FAF1: variants seen among roughly 807,000 people sequenced by gnomAD.
FAF1 encodes the protein Fas associated factor 1.
Under a neutral mutation model 92.5 loss-of-function variants are expected in FAF1, and 25 were observed. That is an observed-to-expected ratio of 0.27 (90% confidence interval 0.20 to 0.38). FAF1 has a LOEUF of 0.38. Ranked by LOEUF, FAF1 falls within the 10% of genes least tolerant of loss-of-function variation. The pLI is 1.00. For missense variants in FAF1, 636 were observed against 793.3 expected (o/e 0.80, Z 2.38); for synonymous variants, 234 against 273.2 (o/e 0.86, Z 1.42).
intron 2 of FAF1, among the ~76,000 whole-genome samples, chr1:50,819,764 CGT>C (rs1491493606): frequency 0.014 from 228 of 16,688 alleles, 19 homozygotes; most frequent in African/African-American, 0.042. Context: ...TATATATATA[CGT>C]ATATATATAT....
chr1:50,497,636 C>A (rs184187952), intron 15 of FAF1, among the ~76,000 whole-genome samples: 39 of 146,596 alleles, frequency 2.7e-4, no homozygotes, highest in Non-Finnish European at 7.5e-5. Flanking sequence ...GCAACCTCCA[C>A]CCCCCCAGGT....
intron 2 of FAF1, among the ~76,000 whole-genome samples, chr1:50,812,466 C>G (rs751347796): frequency 6.6e-6 from 1 of 152,026 alleles, no homozygotes; most frequent in Non-Finnish European, 1.5e-5. Flanking sequence ...AGAAAGCATA[C>G]GAAAAAATGC....
chr1:50,479,661 G>A (rs2149001522), intron 17 of FAF1, among the ~76,000 whole-genome samples: 1 of 152,222 alleles, frequency 6.6e-6, no homozygotes, highest in East Asian at 1.9e-4. Context: ...TATAACAGAT[G>A]CTACATTATT....
At chr1:50,666,167 G>T (rs1040092515) in intron 7 of FAF1, among the ~76,000 whole-genome samples, 7 of 151,704 alleles carry the variant, frequency 4.6e-5, no homozygotes, top group Non-Finnish European at 8.8e-5. Flanking sequence ...GCCCGCCTTG[G>T]CCTCCCAAAT....
Position 50,535,407 on chromosome 1 carries a change from T to A in FAF1, c.1456A>T (p.Ile486Phe). The change falls in exon 15 of 19, where the codon ATC becomes TTC. Residue 486 changes from isoleucine to phenylalanine, a missense_variant. Coordinates refer to ENST00000396153, the MANE Select transcript of FAF1 (RefSeq NM_007051.3). Reference protein sequence around the residue: ...LMMRLMAAMEIFTAQQQEDIK... With the variant: ...LMMRLMAAMEFFTAQQQEDIK... ...TCTTCCTGTTGTTGGGCTGTGAAGA[T>A]CTCCATTGCAGCCATGAGTCTCATC... 1 of 1,612,704 alleles carries A rather than the reference T, an allele frequency of 6.2e-7. No homozygotes were observed. Among genetic ancestry groups the A allele is most frequent in the Non-Finnish European group, 8.5e-7 (1 of 1,179,108 alleles).
At position 50,438,020 on chromosome 1, in the gene FAF1, C is replaced by T. The variant is rs545785921; in HGVS notation, c.*3420G>A. The stretch of plus-strand genomic sequence containing the variant: ...CCTGAGCGACAGAGCGAGACTCTGT[C>T]TCAAAAAAAAAAAAAAAAAAAAAAA... On this transcript the variant is annotated 3_prime_UTR_variant, in exon 19 of 19. Coordinates refer to ENST00000396153, the MANE Select transcript of FAF1 (RefSeq NM_007051.3). 2.1e-4 allele frequency: 10 copies of T among 47,748 alleles called. No homozygotes were observed. In the East Asian group the frequency reaches 3.4e-3, roughly 16 times the overall value. 3.0% of individuals were successfully genotyped at this position (47,748 alleles called of 1,614,324 possible).
chr1:50,526,304 A>G (rs1438541940), intron 15 of FAF1, among the ~76,000 whole-genome samples: 1 of 151,742 alleles, frequency 6.6e-6, no homozygotes, highest in Non-Finnish European at 1.5e-5. Flanking sequence ...AAAATTATTT[A>G]TTATTTCTAG....
intron 1 of FAF1, among the ~76,000 whole-genome samples, chr1:50,865,888 T>G (rs953097538): frequency 1.4e-5 from 2 of 146,412 alleles, no homozygotes. Context: ...TCACAGACCA[T>G]TACCGAGATT....
rs1558000811 is a variant in FAF1 at position 50,574,896 on chromosome 1, C to CTGTTTT, written c.1114-7666_1114-7665insAAAACA. On this transcript the variant is annotated intron_variant, in intron 12 of 18. Transcript: ENST00000396153. Reference sequence around the variant, plus strand: ...GTTTAAGCATATAGAGTTGTATTAACTCTTTTTTTTTTTTTTTTTTTTTTT... The same window carrying CTGTTTT: ...GTTTAAGCATATAGAGTTGTATTAACTGTTTTTCTTTTTTTTTTTTTTTTTTTTTTT... 6.6e-4 allele frequency among the ~76,000 whole-genome samples: 81 copies of CTGTTTT among 122,898 alleles called. 7 individuals carry two copies. Among genetic ancestry groups the CTGTTTT allele is most frequent in the African/African-American group, 2.5e-3 (77 of 30,788 alleles). The allele number at this position is 122,898 out of a possible 152,430, so 80.6% of individuals were successfully genotyped here.
chr1:50,467,595 G>A (rs1646514373), intron 18 of FAF1, among the ~76,000 whole-genome samples: 1 of 152,102 alleles, frequency 6.6e-6, no homozygotes, highest in Non-Finnish European at 1.5e-5. Context: ...TTACAGACAT[G>A]AGCCACCATG....
chr1:50,474,249 A>G (rs375266019), intron 18 of FAF1, among the ~76,000 whole-genome samples: 1 of 152,178 alleles, frequency 6.6e-6, no homozygotes, highest in East Asian at 1.9e-4. Flanking sequence ...GACAACAATC[A>G]CATCTCTCAT....
intron 1 of FAF1, among the ~76,000 whole-genome samples, chr1:50,934,173 G>T (rs1645069128): frequency 6.6e-6 from 1 of 152,140 alleles, no homozygotes; most frequent in African/African-American, 2.4e-5. Context: ...TTTACCTTGA[G>T]TTAATATTAC....
intron 2 of FAF1, among the ~76,000 whole-genome samples, chr1:50,838,258 A>G (rs1387368737): frequency 6.6e-6 from 1 of 152,012 alleles, no homozygotes; most frequent in African/African-American, 2.4e-5. Context: ...TGAAGAATCT[A>G]TACTTGAGGA....
At chr1:50,759,233 C>T (rs1218196401) in intron 4 of FAF1, among the ~76,000 whole-genome samples, 1 of 151,566 alleles carries the variant, frequency 6.6e-6, no homozygotes. Flanking sequence ...ATGTGCCATG[C>T]TGGTGTGCTG....
At chr1:50,599,825 T>C (rs1037565511) in intron 8 of FAF1, among the ~76,000 whole-genome samples, 5 of 152,194 alleles carry the variant, frequency 3.3e-5, no homozygotes, top group Non-Finnish European at 2.9e-5. Context: ...ATTTGGTATT[T>C]AGACAAGTAT....
At chr1:50,902,588 A>C (rs149486938) in intron 1 of FAF1, among the ~76,000 whole-genome samples, 225 of 152,262 alleles carry the variant, frequency 1.5e-3, no homozygotes, top group African/African-American at 5.2e-3. Flanking sequence ...CACACAAACT[A>C]TATGCAGTTG....
chr1:50,779,609 G>A (rs1661088287), intron 4 of FAF1, among the ~76,000 whole-genome samples: 1 of 151,306 alleles, frequency 6.6e-6, no homozygotes, highest in Non-Finnish European at 1.5e-5. Flanking sequence ...TATAAAATAT[G>A]TAAATGAATA....
intron 8 of FAF1, among the ~76,000 whole-genome samples, chr1:50,638,053 GT>G (rs1244501477): frequency 6.6e-6 from 1 of 151,986 alleles, no homozygotes; most frequent in Non-Finnish European, 1.5e-5. Context: ...AATATTTCAT[GT>G]TTTTGGATAG....
rs998252632 is a variant in FAF1 at position 50,583,802 on chromosome 1, A to G, written c.968-87T>C. 3.0e-6 allele frequency: 2 copies of G among 674,416 alleles called. No homozygotes were observed. Among genetic ancestry groups the G allele is most frequent in the East Asian group, 5.5e-5 (2 of 36,110 alleles). 41.8% of individuals were successfully genotyped at this position (674,416 alleles called of 1,614,324 possible). A position where few individuals can be genotyped will look rare whatever the true frequency, so the allele number is the denominator to read the frequency against. Reference sequence around the variant, plus strand: ...AACCACATAACATCTAATCCCACATATAAGAAATATATTCAATCAATAAAG... The same window carrying G: ...AACCACATAACATCTAATCCCACATGTAAGAAATATATTCAATCAATAAAG... On this transcript the variant is annotated intron_variant, in intron 10 of 18. Transcript: ENST00000396153. This position sits in a 1 kb window ranked among gnomAD's most constrained non-coding sequence, Gnocchi z 4.2.
Sources: allele counts gnomAD v4.1 joint callset (sites outside exome capture counted in the v4.1 genomes callset), GRCh38; gene constraint gnomAD v4.1.1; non-coding constraint Gnocchi (gnomAD v3.1); transcripts MANE v1.5; gene names NCBI Gene and HGNC (gene_info 2026-07-23, HGNC 2026-07-21).